Variants in DEFB124 observed in about 807,000 individuals in gnomAD.
DEFB124 encodes beta-defensin 124.
For synonymous variants in DEFB124, 38 were observed against 36.5 expected, an observed-to-expected ratio of 1.04 and a Z score of -0.15; for missense variants, 78 against 83.1, an observed-to-expected ratio of 0.94 and a Z score of 0.24.
In DEFB124 at chr20:31,465,618, T is replaced by C. The variant is rs1236675902; in HGVS notation, c.104A>G (p.Gln35Arg). The change falls in exon 3 of 3, where the codon CAA becomes CGA. Residue 35 changes from glutamine to arginine, a missense_variant. Transcript: ENST00000317676. ...AGTTTCTTGCCTTGTGCAGTAAGTT[T>C]GGCAGGCCCCTTGACCCTTCCAGCA... is the stretch of plus-strand genomic sequence containing the variant. The part of the protein sequence containing the change: ...KRCWKGQGAC[Q>R]TYCTRQETYM... 23 of 1,614,058 alleles carry C rather than the reference T, an allele frequency of 1.4e-5. No individual in the cohort carries two copies. The highest frequency in any genetic ancestry group is 1.8e-5 in the Non-Finnish European group (21 of 1,180,032).
chr20:31,465,538 G>GT lies in DEFB124; in HGVS notation c.183dup (p.Pro62ThrfsTer8). 6.2e-7 allele frequency: 1 copy of GT among 1,614,206 alleles called. No homozygotes were observed. Among genetic ancestry groups the GT allele is most frequent in the Non-Finnish European group, 8.5e-7 (1 of 1,180,038 alleles). ...TATTCATGCTTGGGGACCGGTGGAG[G>GT]TTTCAATGCATAGGAGAGACAGCAC... On this transcript the variant is annotated frameshift_variant, in exon 3 of 3. Transcript: ENST00000317676. LOFTEE classifies it low-confidence loss of function (END_TRUNC).
intron 2 of DEFB124, among the ~76,000 whole-genome samples, chr20:31,470,892 A>G: frequency 8.5e-6 from 1 of 118,258 alleles, no homozygotes; most frequent in Non-Finnish European, 1.8e-5. Flanking sequence ...TGAGCCCCCC[A>G]CCTCCCTCCC....
rs371839293 is a variant in DEFB124, at chr20:31,471,030, C to T, written c.58+1926G>A. 6.1e-3 allele frequency among the ~76,000 whole-genome samples: 856 copies of T among 139,912 alleles called. 4 individuals are homozygous for T. Among genetic ancestry groups the T allele is most frequent in the African/African-American group, 0.022 (815 of 37,190 alleles). 91.8% of individuals were successfully genotyped at this position (139,912 alleles called of 152,430 possible). ...GGGCTGACCTCACCTCCCTCCCGGA[C>T]GGGGCGGCTGGCCGGGCGGGGGGCT... On this transcript the variant is annotated intron_variant, in intron 2 of 2. Transcript: ENST00000317676.
chr20:31,465,521 C>G lies in DEFB124; in HGVS notation c.201G>C (p.Lys67Asn). Reference protein sequence around the residue: ...SYALKPPPVPKHEYE With the variant: ...SYALKPPPVPNHEYE ...CAGGAACCAGCTACTCATATTCATG[C>G]TTGGGGACCGGTGGAGGTTTCAATG... is the stretch of plus-strand genomic sequence containing the variant. Residue 67 changes from lysine to asparagine, a missense_variant, in exon 3 of 3, where the codon AAG (lysine) becomes AAC (asparagine). Physicochemically the swap from Lys to Asn is moderately conservative, Grantham distance 94. Coordinates refer to ENST00000317676, the MANE Select transcript of DEFB124 (RefSeq NM_001037500.2). 6.2e-7 allele frequency: 1 copy of G among 1,614,106 alleles called. No individual in the cohort carries two copies. Among genetic ancestry groups the G allele is most frequent in the Admixed American group, 1.7e-5 (1 of 59,988 alleles).
intron 2 of DEFB124, among the ~76,000 whole-genome samples, chr20:31,470,902 C>G (rs1400529835): frequency 7.2e-6 from 1 of 137,946 alleles, no homozygotes; most frequent in Non-Finnish European, 1.6e-5. Context: ...ACCTCCCTCC[C>G]GGACGGGGTG....
chr20:31,465,543 A>C lies in DEFB124; in HGVS notation c.179T>G (p.Leu60Trp). ...ATGCTTGGGGACCGGTGGAGGTTTC[A>C]ATGCATAGGAGAGACAGCACAGGGA... ...DASLCCLSYA[L>W]KPPPVPKHEY... The change falls in exon 3 of 3, where the codon TTG (leucine) becomes TGG (tryptophan). Residue 60 changes from leucine (L) to tryptophan (W), a missense_variant. By Grantham distance (61) the Leu-to-Trp change is moderately conservative. Coordinates refer to ENST00000317676, the MANE Select transcript of DEFB124 (RefSeq NM_001037500.2). 6.2e-7 allele frequency: 1 copy of C among 1,614,174 alleles called. No individual in the cohort carries two copies. The highest frequency in any genetic ancestry group is 8.5e-7 in the Non-Finnish European group (1 of 1,180,022).
chr20:31,465,927 C>T (rs932581964), intron 2 of DEFB124, among the ~76,000 whole-genome samples: 1 of 152,156 alleles, frequency 6.6e-6, no homozygotes, highest in Non-Finnish European at 1.5e-5. Context: ...GAGGCTGAGG[C>T]AGGCAGATCA....
rs1186086414 is a variant in DEFB124 at position 31,474,722 on chromosome 20, A to G, written c.-121T>C. 1.3e-5 allele frequency among the ~76,000 whole-genome samples: 2 copies of G among 152,194 alleles called. No individual in the cohort carries two copies. The highest frequency in any genetic ancestry group is 2.9e-5 in the Non-Finnish European group (2 of 68,030). ...GGCCCAGCTAAGCCTCAGTTGGTGAATGAATGAATGATGCCAAAATAAGAT... is the reference window on the plus strand; with the variant it reads ...GGCCCAGCTAAGCCTCAGTTGGTGAGTGAATGAATGATGCCAAAATAAGAT... On this transcript the variant is annotated 5_prime_UTR_variant, in exon 1 of 3. Coordinates refer to ENST00000317676, the MANE Select transcript of DEFB124 (RefSeq NM_001037500.2).
At position 31,465,562 on chromosome 20, in the gene DEFB124, A is replaced by T. The variant is rs749728805; in HGVS notation, c.160T>A (p.Cys54Ser). Residue 54 changes from cysteine to serine, a missense_variant, in exon 3 of 3, where the codon TGC becomes AGC. Transcript: ENST00000317676. The stretch of plus-strand genomic sequence containing the variant: ...GGTTTCAATGCATAGGAGAGACAGC[A>T]CAGGGACGCATCCGGGCACAGGTGC... The part of the protein sequence containing the change: ...YMHLCPDASL[C>S]CLSYALKPPP... 6.2e-7 allele frequency: 1 copy of T among 1,614,214 alleles called. No homozygotes were observed. The highest frequency in any genetic ancestry group is 1.3e-5 in the African/African-American group (1 of 75,058).
rs749104058 is a variant in DEFB124 at position 31,473,040 on chromosome 20, T to C, written c.-25-2A>G. On this transcript the variant is annotated splice_acceptor_variant, in intron 1 of 2. Transcript: ENST00000317676. LOFTEE classifies it low-confidence loss of function (5UTR_SPLICE). ...GCCACGGGGCTCCTGGGGAGGCTGC[T>C]GGAGAGAGCACAAGAGGAAAGACCC... 2 of 1,612,606 alleles carry C rather than the reference T, an allele frequency of 1.2e-6. No homozygotes were observed. Among genetic ancestry groups the C allele is most frequent in the East Asian group, 2.2e-5 (1 of 44,874 alleles).
At chr20:31,473,831 C>T (rs929407550) in intron 1 of DEFB124, among the ~76,000 whole-genome samples, 6 of 152,174 alleles carry the variant, frequency 3.9e-5, no homozygotes, top group South Asian at 2.1e-4. Flanking sequence ...GGGTGGGTCC[C>T]GGCAAAATGT....
At chr20:31,470,633 A>G (rs1242579070) in intron 2 of DEFB124, among the ~76,000 whole-genome samples, 42 of 83,910 alleles carry the variant, frequency 5.0e-4, no homozygotes, top group East Asian at 1.4e-3. Context: ...CCTCCCGGAC[A>G]GGGCGGCTGG....
At chr20:31,468,777 G>T (rs147103640) in intron 2 of DEFB124, among the ~76,000 whole-genome samples, 1 of 151,784 alleles carries the variant, frequency 6.6e-6, no homozygotes, top group Non-Finnish European at 1.5e-5. Context: ...GCCCGGCCAG[G>T]GTTCTTTATA....
At chr20:31,470,247 CG>C (rs1207277044) in intron 2 of DEFB124, among the ~76,000 whole-genome samples, 1 of 126,342 alleles carries the variant, frequency 7.9e-6, no homozygotes, top group Admixed American at 7.5e-5. Context: ...GCTGGCCGGG[CG>C]GGGGGCTGAC....
chr20:31,472,985 G>C lies in DEFB124; in HGVS notation c.29C>G (p.Ala10Gly). MTQLLLFLV[A>G]LLVLGHVPSG... The stretch of plus-strand genomic sequence containing the variant: ...TGGCACATGACCCAGAACCAGGAGA[G>C]CCACAAGGAACAGAAGCAGCTGTGT... Residue 10 changes from alanine to glycine, a missense_variant, in exon 2 of 3, where the codon GCT (alanine) becomes GGT (glycine). Coordinates refer to ENST00000317676, the MANE Select transcript of DEFB124 (RefSeq NM_001037500.2). 6.2e-7 allele frequency: 1 copy of C among 1,614,054 alleles called. No individual in the cohort carries two copies. Among genetic ancestry groups the C allele is most frequent in the Non-Finnish European group, 8.5e-7 (1 of 1,180,026 alleles).
chr20:31,465,644 C>T lies in DEFB124; in HGVS notation c.78G>A (p.Arg26=), dbSNP rs141976978. ...HVPSGRSEFK[R]CWKGQGACQT... ...GGCAGGCCCCTTGACCCTTCCAGCA[C>T]CGTTTGAATTCACTTCTCCCTAAAC... Residue 26 remains arginine (R), a synonymous_variant, in exon 3 of 3, where the codon CGG becomes CGA. Coordinates refer to ENST00000317676, the MANE Select transcript of DEFB124 (RefSeq NM_001037500.2). 3.1e-6 allele frequency: 5 copies of T among 1,613,738 alleles called. No individual in the cohort carries two copies. The African/African-American group carries it at 4.0e-5, about 13-fold the overall frequency.
chr20:31,470,364 G>C (rs1980212845), intron 2 of DEFB124, among the ~76,000 whole-genome samples: 1 of 141,938 alleles, frequency 7.0e-6, no homozygotes, highest in Non-Finnish European at 1.5e-5. Context: ...GGACGGGGTG[G>C]CTGGCCGGGC....
intron 2 of DEFB124, among the ~76,000 whole-genome samples, chr20:31,470,801 TC>T (rs1980251130): frequency 8.0e-6 from 1 of 124,816 alleles, no homozygotes; most frequent in Non-Finnish European, 1.7e-5. Flanking sequence ...GCCCCTCACC[TC>T]CCGGACGGGG....
intron 2 of DEFB124, among the ~76,000 whole-genome samples, chr20:31,470,886 C>T (rs1400377374): frequency 8.6e-5 from 11 of 127,314 alleles, no homozygotes; most frequent in South Asian, 2.6e-4. Context: ...GGGGGCTGAG[C>T]CCCCCACCTC....
Sources: gnomAD v4.1 joint callset for allele counts (sites outside exome capture counted in the v4.1 genomes callset) on GRCh38, gnomAD v4.1.1 for gene constraint, MANE v1.5 for transcripts, NCBI Gene and HGNC (gene_info 2026-07-23, HGNC 2026-07-21) for gene names.